Variants in SEPTIN14 observed in about 807,000 individuals in gnomAD.
SEPTIN14 encodes the protein septin 14, also known as septin-14.
SEPTIN14 carries 40 observed loss-of-function variants against 53.6 expected under a neutral mutation model. That is an observed-to-expected ratio of 0.75 (90% CI 0.58 to 0.97). The LOEUF (loss-of-function observed/expected upper bound fraction) is 0.97, where lower values mean the gene tolerates loss of function less well. Among genes scored for constraint, SEPTIN14 ranks in the 50% least tolerant of loss-of-function variants. The pLI is 0.00. For synonymous variants in SEPTIN14, 138 were observed against 166.8 expected (o/e 0.83, Z 1.33); for missense variants, 471 against 508.2 (o/e 0.93, Z 0.70).
At chr7:55,830,557 A>G (rs1327539610) in intron 6 of SEPTIN14, among the ~76,000 whole-genome samples, 1 of 150,334 alleles carries the variant, frequency 6.7e-6, no homozygotes, top group African/African-American at 2.4e-5. Flanking sequence ...GTTGGCCAGG[A>G]TAGTCTCGAT....
intron 5 of SEPTIN14, among the ~76,000 whole-genome samples, chr7:55,840,679 C>T (rs1380159625): frequency 2.0e-5 from 3 of 151,988 alleles, no homozygotes; most frequent in Non-Finnish European, 4.4e-5. Flanking sequence ...TTTAAACCAC[C>T]CAGTCTATGG....
At chr7:55,843,726 G>A (rs1789355213) in intron 4 of SEPTIN14, among the ~76,000 whole-genome samples, 1 of 152,184 alleles carries the variant, frequency 6.6e-6, no homozygotes, top group Non-Finnish European at 1.5e-5. Context: ...CAGGTACTCA[G>A]GAGGCTGAGG....
chr7:55,858,824 G>A (rs11773016), intron 2 of SEPTIN14, among the ~76,000 whole-genome samples: 35,832 of 151,684 alleles, frequency 0.24, 5,157 homozygotes, highest in East Asian at 0.42. Context: ...AAAGCCCATA[G>A]GGTAGTAAGA....
rs146004414 is a variant in SEPTIN14, at chr7:55,834,537, T to C, written c.608A>G (p.Asp203Gly). Residue 203 changes from aspartate to glycine, a missense_variant, in exon 6 of 10, where the codon GAT (aspartate) becomes GGT (glycine). Physicochemically the swap from Asp to Gly is moderately conservative, Grantham distance 94. Coordinates refer to ENST00000388975, the MANE Select transcript of SEPTIN14 (RefSeq NM_207366.3). ...TATCTTATTCTTAAACGTCTGTAAA[T>C]CATTTTTAGAAATAGTGTCTGCTTT... ...IAKADTISKN[D>G]LQTFKNKIMS... 0.019 allele frequency: 29,967 copies of C among 1,611,156 alleles called. 353 individuals are homozygous for C. Among genetic ancestry groups the C allele is most frequent in the Non-Finnish European group, 0.023 (26,694 of 1,177,566 alleles).
chr7:55,801,627 T>C (rs1024374674), intron 9 of SEPTIN14, among the ~76,000 whole-genome samples: 1 of 152,110 alleles, frequency 6.6e-6, no homozygotes, highest in African/African-American at 2.4e-5. Flanking sequence ...ACATTTAAAA[T>C]GGAAATAATA....
chr7:55,825,027 A>G (rs541780205), intron 6 of SEPTIN14, among the ~76,000 whole-genome samples: 1 of 152,220 alleles, frequency 6.6e-6, no homozygotes, highest in Non-Finnish European at 1.5e-5. Flanking sequence ...ACTTGCGTCC[A>G]TACAAAAGCC....
At position 55,794,039 on chromosome 7, in the gene SEPTIN14, A is replaced by T. The variant is rs1186458817; in HGVS notation, c.*1874T>A. Reference sequence around the variant, plus strand: ...TGGAAAACCAACACTAATTTTTTTTAGAAAAAATTATGGAAAATAAAAATA... The same window carrying T: ...TGGAAAACCAACACTAATTTTTTTTTGAAAAAATTATGGAAAATAAAAATA... On this transcript the variant is annotated 3_prime_UTR_variant, in exon 10 of 10. Transcript: ENST00000388975. 3 of 152,120 alleles carry T rather than the reference A, an allele frequency of 2.0e-5. No homozygotes were observed. Among genetic ancestry groups the T allele is most frequent in the Non-Finnish European group, 4.4e-5 (3 of 67,990 alleles). The allele number at this position is 152,120 out of a possible 1,614,324, so 9.4% of individuals were successfully genotyped here. A position where few individuals can be genotyped will look rare whatever the true frequency, so the allele number is the denominator to read the frequency against.
chr7:55,847,533 T>A (rs145978155), intron 2 of SEPTIN14, among the ~76,000 whole-genome samples: 1 of 152,244 alleles, frequency 6.6e-6, no homozygotes, highest in East Asian at 1.9e-4. Flanking sequence ...AACACTTACA[T>A]TAGCCTACAG....
At chr7:55,812,502 A>G (rs1788719862) in intron 7 of SEPTIN14, among the ~76,000 whole-genome samples, 1 of 152,178 alleles carries the variant, frequency 6.6e-6, no homozygotes, top group South Asian at 2.1e-4. Flanking sequence ...TGGAGGAATA[A>G]GCTTCAGTGA....
Position 55,842,994 on chromosome 7 carries a change from C to G in SEPTIN14, c.506G>C (p.Gly169Ala). The G allele has an allele frequency of 6.4e-7, 1 of 1,569,730 alleles. No homozygotes were observed. Among genetic ancestry groups the G allele is most frequent in the South Asian group, 1.2e-5 (1 of 85,224 alleles). The change falls in exon 5 of 10, where the codon GGA (glycine) becomes GCA (alanine). Residue 169 changes from glycine (G) to alanine (A), a missense_variant. By Grantham distance (60) the Gly-to-Ala change is moderately conservative. Transcript: ENST00000388975. ...HVCLYFISPT[G>A]HSLKSLDLLT... is the part of the protein sequence containing the mutation. The stretch of plus-strand genomic sequence containing the variant: ...TAGATCAAGAGACTTCAGGGAATGT[C>G]CTGTAGGTGAAATGAAGTAAAGACA...
chr7:55,853,895 G>A (rs1263134094), intron 2 of SEPTIN14, among the ~76,000 whole-genome samples: 1 of 151,960 alleles, frequency 6.6e-6, no homozygotes, highest in East Asian at 1.9e-4. Flanking sequence ...CTGGAAGATC[G>A]CGTGAGCTCA....
chr7:55,828,995 G>A (rs1789039517), intron 6 of SEPTIN14, among the ~76,000 whole-genome samples: 1 of 151,140 alleles, frequency 6.6e-6, no homozygotes, highest in Admixed American at 6.6e-5. Context: ...CCGATTTATT[G>A]AACTCTTGAT....
Position 55,843,075 on chromosome 7 carries a change from T to A in SEPTIN14, c.425A>T (p.Glu142Val), listed in dbSNP as rs1254551634. 6.2e-7 allele frequency: 1 copy of A among 1,606,722 alleles called. No individual in the cohort carries two copies. The highest frequency in any genetic ancestry group is 1.1e-5 in the South Asian group (1 of 89,198). The stretch of plus-strand genomic sequence containing the variant: ...CAAGGAACGTTTAATCTTCAGTTCT[T>A]CTTGAAGATAGGCCTCAAATTGGGC... ...IDAQFEAYLQ[E>V]ELKIKRSLFE... is the part of the protein sequence containing the mutation. Residue 142 changes from glutamate (E) to valine (V), a missense_variant, in exon 5 of 10, where the codon GAA becomes GTA. Transcript: ENST00000388975.
intron 2 of SEPTIN14, among the ~76,000 whole-genome samples, chr7:55,856,472 A>C (rs182835852): frequency 6.6e-6 from 1 of 151,596 alleles, no homozygotes; most frequent in Non-Finnish European, 1.5e-5. Flanking sequence ...GCTCACTGCA[A>C]TCTCCGCCTC....
intron 2 of SEPTIN14, among the ~76,000 whole-genome samples, chr7:55,854,675 A>G (rs4559198): frequency 0.77 from 117,204 of 152,064 alleles, 46,060 homozygotes; most frequent in East Asian, 0.96. Flanking sequence ...TGATCCGCCC[A>G]CCTCGGCCTC....
chr7:55,834,463 C>CTGT lies in SEPTIN14; in HGVS notation c.679_681dup (p.Thr227dup). On this transcript the variant is annotated inframe_insertion, in exon 6 of 10. Coordinates refer to ENST00000388975, the MANE Select transcript of SEPTIN14 (RefSeq NM_207366.3). Reference sequence around the variant, plus strand: ...TTCGCTTGAGCAGCAGTTTCTTCATCTGTTGGGAGCTGATATATCTGGATG... The same window carrying CTGT: ...TTCGCTTGAGCAGCAGTTTCTTCATCTGTTGTTGGGAGCTGATATATCTGGATG... The CTGT allele has an allele frequency of 6.2e-7, 1 of 1,611,668 alleles. No individual in the cohort carries two copies.
intron 7 of SEPTIN14, among the ~76,000 whole-genome samples, chr7:55,817,478 T>A (rs7806632): frequency 0.15 from 16,961 of 112,144 alleles, 1,151 homozygotes; most frequent in East Asian, 0.34. Flanking sequence ...ATATATATAT[T>A]TTTTTTTTTT....
At chr7:55,861,762 A>C (rs896690148) in intron 2 of SEPTIN14, among the ~76,000 whole-genome samples, 181 bp downstream of exon 2, 5 of 152,168 alleles carry the variant, frequency 3.3e-5, no homozygotes, top group Non-Finnish European at 7.3e-5. Context: ...ACATGTAACA[A>C]TTATCTAAAT....
chr7:55,826,589 G>C (rs1262286641), intron 6 of SEPTIN14, among the ~76,000 whole-genome samples: 1 of 152,190 alleles, frequency 6.6e-6, no homozygotes, highest in East Asian at 1.9e-4. Context: ...CCTGAGGTCA[G>C]GAGTTCAAGA....
Sources: gnomAD v4.1 joint callset for allele counts (sites outside exome capture counted in the v4.1 genomes callset) on GRCh38, gnomAD v4.1.1 for gene constraint, MANE v1.5 for transcripts, NCBI Gene and HGNC (gene_info 2026-07-23, HGNC 2026-07-21) for gene names.